Variants in CHAF1A observed in about 807,000 individuals in gnomAD.
CHAF1A encodes chromatin assembly factor 1 subunit A.
A neutral mutation model predicts 93.2 loss-of-function variants in CHAF1A; 5 were observed. That is an observed-to-expected ratio of 0.05 (90% CI 0.03 to 0.11). The LOEUF (loss-of-function observed/expected upper bound fraction) is 0.11, where lower values mean the gene tolerates loss of function less well. Among genes scored for constraint, CHAF1A ranks in the 10% least tolerant of loss-of-function variants. The pLI is 1.00. For synonymous variants in CHAF1A, 504 were observed against 510.3 expected (o/e 0.99, Z 0.17); for missense variants, 1,102 against 1,259.9 (o/e 0.87, Z 1.90).
At chr19:4,435,248 G>A (rs775134236) in intron 13 of CHAF1A, among the ~76,000 whole-genome samples, 3 of 150,872 alleles carry the variant, frequency 2.0e-5, no homozygotes, top group Non-Finnish European at 4.4e-5. Context: ...CCGCCACCAC[G>A]CCCGGCTAAT....
chr19:4,429,342 A>T, intron 8 of CHAF1A, 96 bp from the exon 9 acceptor site: 1 of 1,391,040 alleles, frequency 7.2e-7, no homozygotes. Flanking sequence ...CCATCTTTCT[A>T]GAATTGTTAG....
intron 2 of CHAF1A, among the ~76,000 whole-genome samples, chr19:4,407,653 G>C (rs971091858): frequency 6.6e-6 from 1 of 152,138 alleles, no homozygotes; most frequent in African/African-American, 2.4e-5. Context: ...TGTTTTTTAA[G>C]TTAGGATGTT....
At chr19:4,419,836 T>G (rs1027704573) in intron 4 of CHAF1A, among the ~76,000 whole-genome samples, 5 of 152,188 alleles carry the variant, frequency 3.3e-5, no homozygotes, top group African/African-American at 1.2e-4. Flanking sequence ...GGAGAAAGTA[T>G]CCAACGGCGG....
chr19:4,426,224 G>T (rs1376749071), intron 7 of CHAF1A, among the ~76,000 whole-genome samples: 2 of 143,526 alleles, frequency 1.4e-5, no homozygotes, highest in African/African-American at 2.6e-5. Flanking sequence ...CTGGAGTGCA[G>T]TGGTGCCATC....
At chr19:4,427,559 C>T (rs572546505) in intron 7 of CHAF1A, among the ~76,000 whole-genome samples, 8 of 150,826 alleles carry the variant, frequency 5.3e-5, no homozygotes, top group African/African-American at 1.9e-4. Flanking sequence ...ACTACAGGTG[C>T]CCACCACCAT....
At chr19:4,434,061 C>G (rs368863692) in intron 13 of CHAF1A, among the ~76,000 whole-genome samples, 7 of 152,018 alleles carry the variant, frequency 4.6e-5, no homozygotes, top group African/African-American at 1.7e-4. Context: ...ATCAGTGCAC[C>G]TCAGGCCAGG....
intron 13 of CHAF1A, among the ~76,000 whole-genome samples, chr19:4,437,294 T>G (rs994471430): frequency 1.4e-4 from 21 of 151,738 alleles, no homozygotes; most frequent in Non-Finnish European, 2.5e-4. Flanking sequence ...GGCACACAGG[T>G]GGGACCCAAA....
chr19:4,408,461 CTTTTTTTTTTTTTT>C (rs778100682), intron 2 of CHAF1A, among the ~76,000 whole-genome samples: 9 of 36,020 alleles, frequency 2.5e-4, no homozygotes, highest in South Asian at 1.5e-3. Context: ...CGCACCCGGC[CTTTTTTTTTTTTTT>C]TTTTTTTTTT....
chr19:4,437,932 G>A (rs184750990), intron 13 of CHAF1A, among the ~76,000 whole-genome samples: 237 of 152,044 alleles, frequency 1.6e-3, no homozygotes, highest in Middle Eastern at 6.8e-3. Context: ...TAGTAGAGAC[G>A]GGGTTTCACT....
At chr19:4,408,187 C>T (rs759174975) in intron 2 of CHAF1A, among the ~76,000 whole-genome samples, 11 of 150,572 alleles carry the variant, frequency 7.3e-5, no homozygotes, top group Non-Finnish European at 1.2e-4. Flanking sequence ...TAGCCCCTGC[C>T]CCGTCTTTTT....
At chr19:4,447,647 A>G, downstream of CHAF1A, 2 of 1,613,240 alleles carry the variant, frequency 1.2e-6, no homozygotes, top group Non-Finnish European at 1.7e-6. Flanking sequence ...GGAGAAGGTG[A>G]GTGGGGCACA....
intron 7 of CHAF1A, among the ~76,000 whole-genome samples, chr19:4,427,749 G>A (rs1210043936): frequency 1.3e-5 from 2 of 152,158 alleles, no homozygotes; most frequent in African/African-American, 2.4e-5. Context: ...CACCGTGCCC[G>A]GCTAATTTTT....
At chr19:4,427,077 C>T (rs555642125) in intron 7 of CHAF1A, among the ~76,000 whole-genome samples, 4 of 137,206 alleles carry the variant, frequency 2.9e-5, no homozygotes, top group South Asian at 4.7e-4. Flanking sequence ...CGCAATGAAG[C>T]GAGACTCCAT....
chr19:4,413,244 G>T (rs926453566), intron 3 of CHAF1A, among the ~76,000 whole-genome samples: 7 of 151,996 alleles, frequency 4.6e-5, no homozygotes, highest in African/African-American at 1.7e-4. Context: ...GCTAATTTTT[G>T]TATTTTTAGT....
chr19:4,448,243 G>T, downstream of CHAF1A: 1 of 1,341,172 alleles, frequency 7.5e-7, no homozygotes, highest in South Asian at 1.3e-5. Flanking sequence ...GGGCCAGAGG[G>T]GGTGACAGCC....
chr19:4,447,835 G>A (rs1370554176), downstream of CHAF1A: 5 of 587,254 alleles, frequency 8.5e-6, no homozygotes, highest in Non-Finnish European at 1.2e-5. Flanking sequence ...GCCAGCAGGA[G>A]CCCCACGGAA....
chr19:4,409,287 C>A lies in CHAF1A; in HGVS notation c.488C>A (p.Ala163Asp), dbSNP rs750956724. ...GGGGATCAGCAGGGGTTGTTGAAGG[C>A]CATTCAGAACGACAAGTTGGCATTT... ...DTGDQQGLLKAIQNDKLAFPG... is the reference protein window; with the variant it reads ...DTGDQQGLLKDIQNDKLAFPG... The change falls in exon 3 of 15, where the codon GCC becomes GAC. Residue 163 changes from alanine (A) to aspartate (D), a missense_variant. Coordinates refer to ENST00000301280, the MANE Select transcript of CHAF1A (RefSeq NM_005483.3). The A allele has an allele frequency of 3.1e-6, 5 of 1,614,068 alleles. No individual in the cohort carries two copies. Among genetic ancestry groups the A allele is most frequent in the Admixed American group, 1.7e-5 (1 of 60,014 alleles).
In CHAF1A at chr19:4,429,577, C is replaced by T. The variant is rs761043231; in HGVS notation, c.1744C>T (p.Arg582Cys). The change falls in exon 9 of 15, where the codon CGC (arginine) becomes TGC (cysteine). Residue 582 changes from arginine (R) to cysteine (C), a missense_variant. Transcript: ENST00000301280. ...GTWNKKTALI[R>C]ARDPWAQDTK... ...CTGGAATAAGAAGACGGCACTCATCCGCGCGCGAGACCCCTGGGCCCAGGA... is the reference window on the plus strand; with the variant it reads ...CTGGAATAAGAAGACGGCACTCATCTGCGCGCGAGACCCCTGGGCCCAGGA... 3.1e-5 allele frequency: 50 copies of T among 1,613,908 alleles called. No homozygotes were observed. The highest frequency in any genetic ancestry group is 3.8e-5 in the Non-Finnish European group (45 of 1,180,006).
chr19:4,404,108 A>G (rs551862221), intron 1 of CHAF1A, among the ~76,000 whole-genome samples: 1 of 152,120 alleles, frequency 6.6e-6, no homozygotes, highest in African/African-American at 2.4e-5. Context: ...GGCATGAGCC[A>G]CCATGCCTGG....
Sources: allele counts gnomAD v4.1 joint callset (sites outside exome capture counted in the v4.1 genomes callset), GRCh38; gene constraint gnomAD v4.1.1; transcripts MANE v1.5; gene names NCBI Gene and HGNC (gene_info 2026-07-23, HGNC 2026-07-21).